Variants in SEMA3E observed in about 807,000 individuals in gnomAD.
SEMA3E encodes the protein semaphorin 3E.
SEMA3E carries 49 observed loss-of-function variants against 93.6 expected under a neutral mutation model. The ratio of observed to expected loss-of-function variants is 0.52; its 90% CI spans 0.42 to 0.66. The LOEUF (loss-of-function observed/expected upper bound fraction) is 0.66, where lower values mean the gene tolerates loss of function less well. SEMA3E is among the 30% of genes least tolerant of loss of function. The pLI, the probability that SEMA3E is intolerant of heterozygous loss-of-function variation, is 0.00. For missense variants in SEMA3E, 906 were observed against 964.8 expected, an observed-to-expected ratio of 0.94 and a Z score of 0.81; for synonymous variants, 363 against 330.7, an observed-to-expected ratio of 1.10 and a Z score of -1.06.
intron 4 of SEMA3E, among the ~76,000 whole-genome samples, chr7:83,461,780 C>A (rs1226836934): frequency 6.6e-6 from 1 of 152,270 alleles, no homozygotes; most frequent in Admixed American, 6.5e-5. Flanking sequence ...ATTTAATTAA[C>A]CTCGCCTTCA....
chr7:83,530,527 A>G (rs1435309422), intron 1 of SEMA3E, among the ~76,000 whole-genome samples: 2 of 152,224 alleles, frequency 1.3e-5, no homozygotes. Context: ...AAAAGGCAGG[A>G]GTAAATTTTA....
intron 4 of SEMA3E, among the ~76,000 whole-genome samples, chr7:83,449,283 A>G (rs1789303256): frequency 6.6e-6 from 1 of 151,822 alleles, no homozygotes; most frequent in Non-Finnish European, 1.5e-5. Flanking sequence ...TATTTTTGGT[A>G]GAGACAGGGT....
intron 16 of SEMA3E, among the ~76,000 whole-genome samples, chr7:83,377,237 T>C (rs1787664163): frequency 6.6e-6 from 1 of 152,036 alleles, no homozygotes; most frequent in South Asian, 2.1e-4. Flanking sequence ...CAGAACAAAG[T>C]GAGAGCTAAC....
At chr7:83,473,832 G>A (rs1789952757) in intron 2 of SEMA3E, among the ~76,000 whole-genome samples, 2 of 152,100 alleles carry the variant, frequency 1.3e-5, no homozygotes, top group African/African-American at 2.4e-5. Context: ...GGTGGCTCAT[G>A]CCTGTAATCC....
chr7:83,563,026 G>C (rs1792064661), intron 1 of SEMA3E, among the ~76,000 whole-genome samples: 1 of 152,112 alleles, frequency 6.6e-6, no homozygotes, highest in Non-Finnish European at 1.5e-5. Flanking sequence ...AATTTTGGCT[G>C]AATCCATTTA....
intron 4 of SEMA3E, among the ~76,000 whole-genome samples, chr7:83,444,929 C>A (rs1283938754): frequency 6.6e-6 from 1 of 152,098 alleles, no homozygotes; most frequent in Non-Finnish European, 1.5e-5. Context: ...TTTTGGCCTC[C>A]CAAAGTGCTG....
chr7:83,582,768 A>G (rs1792540380), intron 1 of SEMA3E, among the ~76,000 whole-genome samples: 1 of 152,058 alleles, frequency 6.6e-6, no homozygotes, highest in Non-Finnish European at 1.5e-5. Flanking sequence ...ACAATAAAAC[A>G]AATATTTCAA....
At chr7:83,539,859 G>T in intron 1 of SEMA3E, among the ~76,000 whole-genome samples, 1 of 130,914 alleles carries the variant, frequency 7.6e-6, no homozygotes. Context: ...TTGTTTCTGT[G>T]TGTGTGTGTG....
intron 2 of SEMA3E, among the ~76,000 whole-genome samples, chr7:83,487,926 C>G (rs960390250): frequency 1.3e-5 from 2 of 152,034 alleles, no homozygotes; most frequent in Non-Finnish European, 2.9e-5. Flanking sequence ...ATAAGTAAAA[C>G]TGGAGTGTAG....
chr7:83,482,674 T>C (rs1790172144), intron 2 of SEMA3E, among the ~76,000 whole-genome samples: 1 of 151,892 alleles, frequency 6.6e-6, no homozygotes, highest in Non-Finnish European at 1.5e-5. Flanking sequence ...ACTCTTTCAT[T>C]ACATCTTCAA....
intron 16 of SEMA3E, chr7:83,372,323 A>C (rs187187663): frequency 1.4e-4 from 57 of 398,068 alleles, no homozygotes; most frequent in African/African-American, 7.4e-4. Flanking sequence ...TCCTTATTGA[A>C]TATGATCTTT....
intron 4 of SEMA3E, chr7:83,462,243 CT>C (rs1199569625): frequency 6.6e-6 from 1 of 152,200 alleles, no homozygotes; most frequent in African/African-American, 2.4e-5. Context: ...AATATGGAGG[CT>C]ACCCACTCCA....
At chr7:83,429,198 AT>A (rs1788833838) in intron 4 of SEMA3E, among the ~76,000 whole-genome samples, 1 of 152,178 alleles carries the variant, frequency 6.6e-6, no homozygotes, top group African/African-American at 2.4e-5. Context: ...TTTTTTAATA[AT>A]TCAGCACATA....
At chr7:83,625,408 G>A (rs891241716) in intron 1 of SEMA3E, among the ~76,000 whole-genome samples, 1 of 152,008 alleles carries the variant, frequency 6.6e-6, no homozygotes, top group Non-Finnish European at 1.5e-5. Context: ...CTTGAGCAGT[G>A]GTTTGTAGTT....
intron 1 of SEMA3E, among the ~76,000 whole-genome samples, chr7:83,591,540 TTCTA>T (rs753899399): frequency 1.8e-4 from 27 of 152,024 alleles, no homozygotes; most frequent in Middle Eastern, 6.8e-3. Flanking sequence ...CTTTGAACAT[TTCTA>T]TCTATTTTAT....
chr7:83,587,928 C>A (rs1792666618), intron 1 of SEMA3E, among the ~76,000 whole-genome samples: 1 of 151,576 alleles, frequency 6.6e-6, no homozygotes, highest in African/African-American at 2.4e-5. Flanking sequence ...TTTTTATAAC[C>A]TTTTATACTT....
At position 83,451,186 on chromosome 7, in the gene SEMA3E, C is replaced by T. The variant is rs115710526; in HGVS notation, c.456+15296G>A. Among the ~76,000 whole-genome samples, 969 of 152,220 alleles carry T rather than the reference C, an allele frequency of 6.4e-3. 8 individuals are homozygous for T. The highest frequency in any genetic ancestry group is 0.022 in the African/African-American group (920 of 41,524). On this transcript the variant is annotated intron_variant, in intron 4 of 16. Coordinates refer to ENST00000643230, the MANE Select transcript of SEMA3E (RefSeq NM_012431.3). ...ATGATTGTAAGTTTCCTGAGGCTTC[C>T]TCAGCCATATGGAACTGTGAGTCAA...
intron 1 of SEMA3E, among the ~76,000 whole-genome samples, chr7:83,542,730 G>C (rs1791562570): frequency 6.6e-6 from 1 of 152,038 alleles, no homozygotes; most frequent in African/African-American, 2.4e-5. Flanking sequence ...CAGTTACTTG[G>C]TCTTATAATC....
chr7:83,639,940 T>C (rs1372653917), intron 1 of SEMA3E, among the ~76,000 whole-genome samples: 1 of 151,974 alleles, frequency 6.6e-6, no homozygotes, highest in Non-Finnish European at 1.5e-5. Context: ...CTGAAGTTCA[T>C]AATAAACTTT....
Sources: gnomAD v4.1 joint callset for allele counts (sites outside exome capture counted in the v4.1 genomes callset) on GRCh38, gnomAD v4.1.1 for gene constraint, MANE v1.5 for transcripts, NCBI Gene and HGNC (gene_info 2026-07-23, HGNC 2026-07-21) for gene names.